ADAM32: variants seen among roughly 807,000 people sequenced by gnomAD.
ADAM32 encodes the protein disintegrin and metalloproteinase domain-containing protein 32.
ADAM32 carries 89 observed loss-of-function variants against 114.9 expected under a neutral mutation model. The ratio of observed to expected loss-of-function variants is 0.77; its 90% CI spans 0.65 to 0.92. The LOEUF is 0.92. Ranked by LOEUF, ADAM32 falls within the 40% of genes least tolerant of loss-of-function variation. The pLI is 0.00. For missense variants in ADAM32, 870 were observed against 932.8 expected (o/e 0.93, Z 0.88); for synonymous variants, 285 against 307.5 (o/e 0.93, Z 0.77).
chr8:39,229,334 G>A (rs1809586120), intron 14 of ADAM32, among the ~76,000 whole-genome samples: 1 of 152,074 alleles, frequency 6.6e-6, no homozygotes, highest in South Asian at 2.1e-4. Flanking sequence ...TGAATTCAAT[G>A]GTACCTCACA....
intron 16 of ADAM32, among the ~76,000 whole-genome samples, chr8:39,238,900 A>C (rs1410309156): frequency 2.0e-5 from 3 of 151,988 alleles, no homozygotes; most frequent in Admixed American, 2.0e-4. Context: ...CAATGAACAA[A>C]GCCTCCATGA....
chr8:39,251,493 G>A (rs1811305655), intron 17 of ADAM32, among the ~76,000 whole-genome samples: 1 of 151,384 alleles, frequency 6.6e-6, no homozygotes, highest in Admixed American at 6.6e-5. Flanking sequence ...TATACCTGTT[G>A]GCCATTTGTT....
intron 11 of ADAM32, among the ~76,000 whole-genome samples, chr8:39,205,774 T>A (rs564103497): frequency 1.3e-5 from 2 of 152,336 alleles, no homozygotes; most frequent in East Asian, 3.9e-4. Flanking sequence ...CTCCTTAAAA[T>A]TATATTTCCT....
At chr8:39,209,013 A>T (rs1022735842) in intron 11 of ADAM32, among the ~76,000 whole-genome samples, 1 of 151,960 alleles carries the variant, frequency 6.6e-6, no homozygotes, top group African/African-American at 2.4e-5. Context: ...TTGAAGGTCA[A>T]TGACTCTTAC....
At chr8:39,142,695 C>T (rs865874790) in intron 3 of ADAM32, among the ~76,000 whole-genome samples, 151 of 152,242 alleles carry the variant, frequency 9.9e-4, no homozygotes, top group African/African-American at 3.5e-3. Flanking sequence ...GGTTGCTCTT[C>T]CCGAGGAATA....
intron 19 of ADAM32, among the ~76,000 whole-genome samples, chr8:39,265,935 G>A (rs958139111): frequency 9.9e-5 from 15 of 152,134 alleles, no homozygotes; most frequent in Non-Finnish European, 2.1e-4. Context: ...TAGTTTGGCT[G>A]GATATACAGT....
Position 39,254,534 on chromosome 8 carries a change from T to G in ADAM32, c.2005+18T>G, listed in dbSNP as rs1375392088. ...AGATATGGGCAAGTATTTGTCTCTTTAAATACCCATTTAATAAAATTCTCA... is the reference window on the plus strand; with the variant it reads ...AGATATGGGCAAGTATTTGTCTCTTGAAATACCCATTTAATAAAATTCTCA... On this transcript the variant is annotated intron_variant, in intron 18 of 24. Transcript: ENST00000379907. 1.3e-6 allele frequency: 2 copies of G among 1,500,846 alleles called. No homozygotes were observed. The highest frequency in any genetic ancestry group is 1.8e-6 in the Non-Finnish European group (2 of 1,112,472). 93.0% of individuals were successfully genotyped at this position (1,500,846 alleles called of 1,614,324 possible).
intron 11 of ADAM32, among the ~76,000 whole-genome samples, chr8:39,191,094 T>C (rs1290659747): frequency 6.6e-6 from 1 of 152,250 alleles, no homozygotes; most frequent in Admixed American, 6.5e-5. Context: ...TCATTCTTTT[T>C]ATGGTTACAT....
chr8:39,221,571 CA>C (rs1384116767), intron 12 of ADAM32, 38 bp from the exon 13 acceptor site: 7 of 1,474,428 alleles, frequency 4.7e-6, no homozygotes, highest in Non-Finnish European at 6.6e-6. Flanking sequence ...TTACTATTGT[CA>C]TGATGTATTT....
At chr8:39,165,411 A>T in intron 9 of ADAM32, 1 of 399,714 alleles carries the variant, frequency 2.5e-6, no homozygotes, top group South Asian at 5.6e-5. Context: ...ATAAATGAAG[A>T]CATTGAGAGT....
At chr8:39,284,357 T>TCA (rs1265239371) in intron 24 of ADAM32, among the ~76,000 whole-genome samples, 1 of 141,430 alleles carries the variant, frequency 7.1e-6, no homozygotes, top group African/African-American at 3.1e-5. Context: ...CAAAATACTG[T>TCA]TATACACACA....
At chr8:39,148,634 G>T (rs561545974) in intron 4 of ADAM32, among the ~76,000 whole-genome samples, 36 of 152,164 alleles carry the variant, frequency 2.4e-4, no homozygotes, top group Non-Finnish European at 4.7e-4. Flanking sequence ...TGTAACACCA[G>T]TGCCTAGAAA....
At position 39,251,378 on chromosome 8, in the gene ADAM32, C is replaced by CA. The variant is rs80261294; in HGVS notation, c.1903-3026dup. Among the ~76,000 whole-genome samples, 82 of 148,186 alleles carry CA rather than the reference C, an allele frequency of 5.5e-4. 1 individual carries two copies. The highest frequency in any genetic ancestry group is 1.5e-3 in the African/African-American group (62 of 40,606). ...TATCAAAAAGATGGTCTTTTTGTTA[C>CA]AAAAAAAAAATGGCTTTTATAAGCC... On this transcript the variant is annotated intron_variant, in intron 17 of 24. Transcript: ENST00000379907.
intron 10 of ADAM32, among the ~76,000 whole-genome samples, chr8:39,184,607 A>G (rs1274905785): frequency 6.6e-6 from 1 of 152,184 alleles, no homozygotes; most frequent in East Asian, 1.9e-4. Flanking sequence ...TCCTGTGTGC[A>G]CAGTTATTCT....
chr8:39,126,954 T>G (rs1213660480), intron 2 of ADAM32, among the ~76,000 whole-genome samples: 1 of 152,224 alleles, frequency 6.6e-6, no homozygotes, highest in African/African-American at 2.4e-5. Flanking sequence ...TAGTTCTGTG[T>G]ATGTGATGAA....
chr8:39,194,973 C>G (rs988897645), intron 11 of ADAM32, among the ~76,000 whole-genome samples: 1 of 152,198 alleles, frequency 6.6e-6, no homozygotes, highest in African/African-American at 2.4e-5. Flanking sequence ...GGGGGCTCTC[C>G]TCCTGCTGGG....
chr8:39,241,103 A>G (rs1210056825), intron 16 of ADAM32, among the ~76,000 whole-genome samples: 2 of 152,236 alleles, frequency 1.3e-5, no homozygotes, highest in African/African-American at 4.8e-5. Flanking sequence ...TGCAAGTCCA[A>G]AATCCAGCAG....
intron 12 of ADAM32, among the ~76,000 whole-genome samples, chr8:39,213,416 A>G (rs1191449089): frequency 6.6e-6 from 1 of 150,618 alleles, no homozygotes; most frequent in African/African-American, 2.4e-5. Flanking sequence ...ATTGAGTGCT[A>G]GCACTAATCC....
intron 15 of ADAM32, among the ~76,000 whole-genome samples, 157 bp downstream of exon 15, chr8:39,232,292 T>G (rs1435405322): frequency 6.6e-6 from 1 of 152,172 alleles, no homozygotes; most frequent in African/African-American, 2.4e-5. Flanking sequence ...ACCTCTTTTG[T>G]GCTGCAGGCT....
Sources: gnomAD v4.1 joint callset for allele counts (sites outside exome capture counted in the v4.1 genomes callset) on GRCh38, gnomAD v4.1.1 for gene constraint, MANE v1.5 for transcripts, NCBI Gene and HGNC (gene_info 2026-07-23, HGNC 2026-07-21) for gene names.